XKR6: variants seen among roughly 807,000 people sequenced by gnomAD.
The protein encoded by XKR6 is XK-related protein 6.
A neutral mutation model predicts 56.7 loss-of-function variants in XKR6; 22 were observed. The ratio of observed to expected loss-of-function variants is 0.39; its 90% CI spans 0.28 to 0.55. The LOEUF is 0.55. XKR6 is among the 20% of genes least tolerant of loss of function. The probability of loss-of-function intolerance (pLI) is 0.66; values close to 1 mark genes in which losing one functional copy is unlikely to be tolerated. For missense variants in XKR6, 852 were observed against 889.0 expected (o/e 0.96, Z 0.53); for synonymous variants, 524 against 387.8 (o/e 1.35, Z -4.13).
Position 10,949,477 on chromosome 8 carries a change from C to T in XKR6, c.765-24647G>A, listed in dbSNP as rs373268798. On this transcript the variant is annotated intron_variant, in intron 1 of 2. Transcript: ENST00000416569. ...GCCAGGGCTGGAGCTCCCCAGGGCTCTGAGCTCTCGCTCTGTAGCCAGGAA... is the reference window on the plus strand; with the variant it reads ...GCCAGGGCTGGAGCTCCCCAGGGCTTTGAGCTCTCGCTCTGTAGCCAGGAA... Among the ~76,000 whole-genome samples, 352 of 152,338 alleles carry T rather than the reference C, an allele frequency of 2.3e-3. 4 individuals carry two copies. Among genetic ancestry groups the T allele is most frequent in the African/African-American group, 8.2e-3 (341 of 41,582 alleles).
At chr8:11,131,302 C>T (rs1349553236) in intron 1 of XKR6, among the ~76,000 whole-genome samples, 2 of 152,032 alleles carry the variant, frequency 1.3e-5, no homozygotes, top group Non-Finnish European at 2.9e-5. Context: ...TGGATTATGC[C>T]TCTTTAGCTT....
chr8:10,958,003 A>T (rs1438145846), intron 1 of XKR6, among the ~76,000 whole-genome samples: 1 of 152,214 alleles, frequency 6.6e-6, no homozygotes, highest in African/African-American at 2.4e-5. Context: ...ACTGAAAGGA[A>T]AAAGAAACCC....
chr8:11,199,018 C>G (rs962704937), intron 1 of XKR6, among the ~76,000 whole-genome samples: 2 of 151,676 alleles, frequency 1.3e-5, no homozygotes, highest in African/African-American at 4.9e-5. Context: ...AAATTTAAAA[C>G]GTATTTCAGA....
intron 1 of XKR6, among the ~76,000 whole-genome samples, chr8:11,060,945 A>T (rs1427858869): frequency 6.6e-6 from 1 of 152,182 alleles, no homozygotes; most frequent in African/African-American, 2.4e-5. Flanking sequence ...TTTTACAGAT[A>T]ATGGCTCAAC....
intron 1 of XKR6, among the ~76,000 whole-genome samples, chr8:10,928,693 G>A (rs956589695): frequency 1.7e-4 from 26 of 152,312 alleles, no homozygotes; most frequent in African/African-American, 6.3e-4. Context: ...CTTCTGCCAG[G>A]GCGCGGAGTG....
At chr8:10,952,082 T>C (rs1282738902) in intron 1 of XKR6, among the ~76,000 whole-genome samples, 4 of 152,172 alleles carry the variant, frequency 2.6e-5, no homozygotes, top group African/African-American at 9.7e-5. Flanking sequence ...GTCCACGGCA[T>C]GACCTCCTGC....
At chr8:11,158,570 T>C (rs1396384309) in intron 1 of XKR6, among the ~76,000 whole-genome samples, 1 of 152,182 alleles carries the variant, frequency 6.6e-6, no homozygotes. Flanking sequence ...ACTTCATTAG[T>C]CGCCATTGAG....
chr8:10,945,261 A>G (rs1801500445), intron 1 of XKR6, among the ~76,000 whole-genome samples: 1 of 152,230 alleles, frequency 6.6e-6, no homozygotes, highest in South Asian at 2.1e-4. Flanking sequence ...AGGCAGGCGG[A>G]TCACACGAGG....
chr8:11,027,305 T>C (rs1186977377), intron 1 of XKR6, among the ~76,000 whole-genome samples: 1 of 152,236 alleles, frequency 6.6e-6, no homozygotes, highest in Non-Finnish European at 1.5e-5. Context: ...ATGTGGCATG[T>C]GACTATGTAT....
intron 1 of XKR6, among the ~76,000 whole-genome samples, chr8:11,059,265 G>T (rs6996458): frequency 6.6e-6 from 1 of 151,888 alleles, no homozygotes; most frequent in African/African-American, 2.4e-5. Flanking sequence ...GGCCCAGCGC[G>T]GTCCTGGCGC....
At chr8:11,059,388 G>A (rs921286307) in intron 1 of XKR6, among the ~76,000 whole-genome samples, 6 of 152,224 alleles carry the variant, frequency 3.9e-5, no homozygotes, top group African/African-American at 7.2e-5. Context: ...CAGCGAACTG[G>A]AGCCGGGCTG....
At chr8:10,912,477 A>C (rs960326991) in intron 2 of XKR6, among the ~76,000 whole-genome samples, 13 of 144,904 alleles carry the variant, frequency 9.0e-5, no homozygotes, top group African/African-American at 3.0e-4. Context: ...AGAGAGAGAG[A>C]GAGAGAGAGA....
At chr8:11,174,300 C>T (rs990483331) in intron 1 of XKR6, among the ~76,000 whole-genome samples, 2 of 152,216 alleles carry the variant, frequency 1.3e-5, no homozygotes, top group Admixed American at 6.5e-5. Context: ...AGATGGCAAG[C>T]GACACTGCAA....
chr8:11,094,359 T>C (rs1368550977), intron 1 of XKR6, among the ~76,000 whole-genome samples: 1 of 152,090 alleles, frequency 6.6e-6, no homozygotes, highest in Non-Finnish European at 1.5e-5. Flanking sequence ...CAGCTAATGT[T>C]TTGTATTTTT....
chr8:10,899,058 C>T (rs1216814223), intron 2 of XKR6, 142 bp from the exon 3 acceptor site: 21 of 1,297,216 alleles, frequency 1.6e-5, no homozygotes, highest in Non-Finnish European at 1.9e-5. Flanking sequence ...AGGAACCGAA[C>T]TTGGAGGTCA....
intron 1 of XKR6, among the ~76,000 whole-genome samples, chr8:11,114,639 G>C (rs1267755267): frequency 1.3e-5 from 2 of 152,160 alleles, no homozygotes; most frequent in Non-Finnish European, 2.9e-5. Flanking sequence ...GGGATGACAG[G>C]CGTGAGCCAC....
intron 1 of XKR6, among the ~76,000 whole-genome samples, chr8:11,133,837 T>C (rs559210942): frequency 1.1e-4 from 16 of 152,300 alleles, no homozygotes; most frequent in Admixed American, 7.2e-4. Context: ...CATTATATCA[T>C]AGACCTATTC....
chr8:11,073,127 C>G (rs1019422880), intron 1 of XKR6, among the ~76,000 whole-genome samples: 3 of 152,226 alleles, frequency 2.0e-5, no homozygotes, highest in Non-Finnish European at 4.4e-5. Context: ...TCCTGTCTAT[C>G]TTTTCCTGAG....
At chr8:10,928,204 G>C (rs976733582) in intron 1 of XKR6, among the ~76,000 whole-genome samples, 2 of 152,176 alleles carry the variant, frequency 1.3e-5, no homozygotes, top group Admixed American at 1.3e-4. Context: ...TGTGGGGCCC[G>C]GACGGGACCA....
Sources: gnomAD v4.1 joint callset for allele counts (sites outside exome capture counted in the v4.1 genomes callset) on GRCh38, gnomAD v4.1.1 for gene constraint, MANE v1.5 for transcripts, NCBI Gene and HGNC (gene_info 2026-07-23, HGNC 2026-07-21) for gene names.